Variants in PIK3CB observed in about 807,000 individuals in gnomAD.
The protein encoded by PIK3CB is phosphatidylinositol-4,5-bisphosphate 3-kinase catalytic subunit beta, also known as phosphatidylinositol 4,5-bisphosphate 3-kinase catalytic subunit beta isoform.
Under a neutral mutation model 136.8 loss-of-function variants are expected in PIK3CB, and 39 were observed. That is an observed-to-expected ratio of 0.29 (90% CI 0.22 to 0.37). The LOEUF is 0.37. PIK3CB is among the 10% of genes least tolerant of loss of function. The pLI is 1.00. For missense variants in PIK3CB, 868 were observed against 1,275.4 expected (o/e 0.68, Z 4.87); for synonymous variants, 428 against 436.6 (o/e 0.98, Z 0.25).
chr3:138,716,453 A>G (rs1192639593), intron 8 of PIK3CB, among the ~76,000 whole-genome samples: 1 of 152,224 alleles, frequency 6.6e-6, no homozygotes, highest in East Asian at 1.9e-4. Context: ...CAATGGTACC[A>G]GCAGCTACTC....
chr3:138,707,076 GAC>G, intron 11 of PIK3CB, 81 bp downstream of exon 11: 1 of 888,458 alleles, frequency 1.1e-6, no homozygotes, highest in Admixed American at 2.0e-5. Context: ...TTTTGAAAGA[GAC>G]AGATAGAGCT....
intron 11 of PIK3CB, among the ~76,000 whole-genome samples, chr3:138,704,852 T>A (rs2044330135): frequency 1.3e-5 from 2 of 152,026 alleles, no homozygotes; most frequent in East Asian, 3.9e-4. Context: ...GAATAAACTT[T>A]TCTCATTATG....
intron 1 of PIK3CB, chr3:138,825,804 T>A: frequency 1.0e-6 from 1 of 959,764 alleles, no homozygotes; most frequent in Non-Finnish European, 1.6e-6. Context: ...ATGTTACAAC[T>A]GAAGCAGTCT....
chr3:138,794,579 G>A (rs2068642066), intron 2 of PIK3CB, among the ~76,000 whole-genome samples: 1 of 152,166 alleles, frequency 6.6e-6, no homozygotes, highest in Non-Finnish European at 1.5e-5. Flanking sequence ...TAAAGGGGAT[G>A]CATCAAGGCA....
chr3:138,786,752 G>A (rs2045985766), intron 2 of PIK3CB, among the ~76,000 whole-genome samples: 2 of 152,122 alleles, frequency 1.3e-5, no homozygotes, highest in Admixed American at 1.3e-4. Flanking sequence ...AATAACATGT[G>A]ACTATTTAAC....
intron 1 of PIK3CB, among the ~76,000 whole-genome samples, chr3:138,809,291 C>A (rs1163570140): frequency 1.3e-5 from 2 of 149,232 alleles, no homozygotes; most frequent in African/African-American, 4.9e-5. Context: ...AAAAAACTTA[C>A]AACTTCTGTG....
At position 138,657,794 on chromosome 3, in the gene PIK3CB, T is replaced by C. The variant is rs2043217336; in HGVS notation, c.2838A>G (p.Lys946=). The C allele has an allele frequency of 1.9e-6, 3 of 1,612,926 alleles. No individual in the cohort carries two copies. Among genetic ancestry groups the C allele is most frequent in the African/African-American group, 1.3e-5 (1 of 74,890 alleles). The change falls in exon 22 of 24, where the codon AAA becomes AAG. Residue 946 remains lysine (K), a synonymous_variant. Coordinates refer to ENST00000674063, the MANE Select transcript of PIK3CB (RefSeq NM_006219.3). ...GCTCCCTTTTAATGCCAAACTTAGA[T>C]TTGAAATTTCCAAGAATATGTCCAA... The part of the protein sequence containing the change: ...IDFGHILGNF[K]SKFGIKRERV...
At chr3:138,728,567 G>A (rs941095008) in intron 8 of PIK3CB, among the ~76,000 whole-genome samples, 6 of 152,052 alleles carry the variant, frequency 3.9e-5, no homozygotes, top group African/African-American at 1.2e-4. Context: ...CATGAGGTCA[G>A]GAGATCGAGA....
At chr3:138,805,264 C>T (rs1259978388) in intron 1 of PIK3CB, among the ~76,000 whole-genome samples, 1 of 151,498 alleles carries the variant, frequency 6.6e-6, no homozygotes, top group Admixed American at 6.6e-5. Flanking sequence ...ACCCGGGAGG[C>T]GGAGGTTGCA....
At chr3:138,687,656 T>C (rs1211856980) in intron 16 of PIK3CB, among the ~76,000 whole-genome samples, 2 of 152,174 alleles carry the variant, frequency 1.3e-5, no homozygotes, top group Non-Finnish European at 2.9e-5. Context: ...GGTCTCACTA[T>C]GTTGTGCAGG....
intron 1 of PIK3CB, among the ~76,000 whole-genome samples, chr3:138,810,400 C>T (rs1315711621): frequency 6.6e-6 from 1 of 152,058 alleles, no homozygotes. Context: ...AACAAACTAC[C>T]TCAGCCAGCT....
intron 16 of PIK3CB, 139 bp from the exon 17 acceptor site, chr3:138,684,942 G>C (rs2043852932): frequency 1.9e-6 from 1 of 536,856 alleles, no homozygotes; most frequent in African/African-American, 2.0e-5. Flanking sequence ...AGTAAAAATA[G>C]TGTCTGACTT....
chr3:138,663,829 G>T, intron 21 of PIK3CB, 77 bp downstream of exon 21: 1 of 1,414,716 alleles, frequency 7.1e-7, no homozygotes, highest in Non-Finnish European at 9.7e-7. Flanking sequence ...GAATCTGGCT[G>T]AGTTGCACAA....
chr3:138,789,358 C>T (rs761870670), intron 2 of PIK3CB, among the ~76,000 whole-genome samples: 5 of 152,092 alleles, frequency 3.3e-5, no homozygotes, highest in Non-Finnish European at 5.9e-5. Context: ...ACTCAGGAGG[C>T]TGAGGTGGGA....
In PIK3CB at chr3:138,714,525, T is replaced by A. The variant is rs1176603011; in HGVS notation, c.1245A>T (p.Lys415Asn). 1.2e-6 allele frequency: 2 copies of A among 1,612,234 alleles called. No individual in the cohort carries two copies. The highest frequency in any genetic ancestry group is 1.7e-6 in the Non-Finnish European group (2 of 1,178,404). Residue 415 changes from lysine to asparagine, a missense_variant, in exon 9 of 24, where the codon AAA becomes AAT. Lys to Asn is a moderately conservative substitution (Grantham distance 94). Coordinates refer to ENST00000674063, the MANE Select transcript of PIK3CB (RefSeq NM_006219.3). ...TAGAGGGATTAATAGTTTTCGTTGA[T>A]TTCTTCGTTTTTACTTTATCCAAAA... ...YAVLDKVKTK[K>N]STKTINPSKY...
chr3:138,691,740 T>C (rs1320701227), intron 14 of PIK3CB, among the ~76,000 whole-genome samples: 2 of 152,094 alleles, frequency 1.3e-5, no homozygotes, highest in Non-Finnish European at 2.9e-5. Flanking sequence ...TTCTTTATAA[T>C]GGTGTGAAAA....
At chr3:138,720,134 AAAC>A (rs1213338735) in intron 8 of PIK3CB, among the ~76,000 whole-genome samples, 1 of 152,216 alleles carries the variant, frequency 6.6e-6, no homozygotes, top group Non-Finnish European at 1.5e-5. Context: ...TGCCTGAGGC[AAAC>A]AACCCATCTG....
intron 1 of PIK3CB, among the ~76,000 whole-genome samples, chr3:138,808,614 G>A (rs1335367909): frequency 6.6e-6 from 1 of 151,774 alleles, no homozygotes; most frequent in Non-Finnish European, 1.5e-5. Context: ...AGCCTGGGAG[G>A]CAGAGGTAAC....
At chr3:138,805,232 C>T (rs2046219741) in intron 1 of PIK3CB, among the ~76,000 whole-genome samples, 1 of 150,718 alleles carries the variant, frequency 6.6e-6, no homozygotes, top group South Asian at 2.1e-4. Context: ...ACTCAGGAGG[C>T]TGAGGCAGGA....
Sources: allele counts gnomAD v4.1 joint callset (sites outside exome capture counted in the v4.1 genomes callset), GRCh38; gene constraint gnomAD v4.1.1; transcripts MANE v1.5; gene names NCBI Gene and HGNC (gene_info 2026-07-23, HGNC 2026-07-21).